The following ARB2A variants were observed in gnomAD, a reference collection of about 807,000 sequenced individuals.
ARB2A encodes the protein ARB2 cotranscriptional regulator A, also known as cotranscriptional regulator ARB2A.
the ARB2A span, among the ~76,000 whole-genome samples, chr5:93,921,823 G>A: frequency 1.3e-5 from 2 of 152,140 alleles, no homozygotes; most frequent in Admixed American, 6.5e-5. Flanking sequence ...ACTTTTTCCA[G>A]ATTGGTTCCA....
chr5:93,747,317 G>C, the ARB2A span, among the ~76,000 whole-genome samples: 4 of 152,102 alleles, frequency 2.6e-5, no homozygotes, highest in African/African-American at 9.7e-5. Flanking sequence ...ACCATCACAA[G>C]TTTGAGGCCT....
At chr5:93,630,410 C>G in the ARB2A span, among the ~76,000 whole-genome samples, 1 of 152,168 alleles carries the variant, frequency 6.6e-6, no homozygotes, top group Admixed American at 6.5e-5. Context: ...AACACAGTTG[C>G]AAGCCCTTTA....
chr5:93,654,034 C>G, the ARB2A span, among the ~76,000 whole-genome samples: 1 of 152,302 alleles, frequency 6.6e-6, no homozygotes, highest in African/African-American at 2.4e-5. Flanking sequence ...TTGAATTACT[C>G]TTGTATGCTG....
At chr5:93,988,097 T>A in the ARB2A span, among the ~76,000 whole-genome samples, 6 of 152,144 alleles carry the variant, frequency 3.9e-5, no homozygotes, top group African/African-American at 1.4e-4. Flanking sequence ...ATTGGAAATA[T>A]CTCCATATCT....
the ARB2A span, among the ~76,000 whole-genome samples, chr5:93,723,693 T>C: frequency 2.0e-5 from 3 of 152,198 alleles, no homozygotes; most frequent in Admixed American, 6.6e-5. Context: ...TTATCGATGC[T>C]AGTGAAGTAA....
the ARB2A span, among the ~76,000 whole-genome samples, chr5:93,622,980 A>G: frequency 1.3e-5 from 2 of 152,204 alleles, no homozygotes; most frequent in Non-Finnish European, 1.5e-5. Context: ...GGAGGCATTT[A>G]TATTTTCCAA....
the ARB2A span, among the ~76,000 whole-genome samples, chr5:93,868,898 A>C: frequency 6.6e-6 from 1 of 152,222 alleles, no homozygotes; most frequent in Non-Finnish European, 1.5e-5. Flanking sequence ...TCGCATTTCG[A>C]CTGCCTTACC....
At chr5:93,851,680 A>G in the ARB2A span, among the ~76,000 whole-genome samples, 1 of 151,812 alleles carries the variant, frequency 6.6e-6, no homozygotes, top group Non-Finnish European at 1.5e-5. Context: ...TTCAATTCCC[A>G]CCTATGAGTG....
At chr5:93,818,586 T>C in the ARB2A span, among the ~76,000 whole-genome samples, 2 of 152,220 alleles carry the variant, frequency 1.3e-5, no homozygotes, top group Non-Finnish European at 2.9e-5. Flanking sequence ...ACTTATTTCA[T>C]AGACTGCCAT....
chr5:93,925,641 T>C, the ARB2A span, among the ~76,000 whole-genome samples: 1,896 of 152,264 alleles, frequency 0.012, 43 homozygotes, highest in African/African-American at 0.043. Flanking sequence ...TTCAACCTGG[T>C]ATTTTTGGAC....
At chr5:93,853,968 T>A in the ARB2A span, among the ~76,000 whole-genome samples, 1 of 152,220 alleles carries the variant, frequency 6.6e-6, no homozygotes, top group Admixed American at 6.5e-5. Context: ...GATGCTGGCC[T>A]CATAAAATGA....
chr5:93,893,861 T>A, the ARB2A span, among the ~76,000 whole-genome samples: 103 of 152,330 alleles, frequency 6.8e-4, no homozygotes, highest in African/African-American at 2.3e-3. Flanking sequence ...TGGGCCATTT[T>A]CAGTCAACTG....
At chr5:93,725,806 A>C in the ARB2A span, among the ~76,000 whole-genome samples, 1 of 152,088 alleles carries the variant, frequency 6.6e-6, no homozygotes, top group Non-Finnish European at 1.5e-5. Flanking sequence ...AATAGGATTA[A>C]TATGAAGAAC....
the ARB2A span, among the ~76,000 whole-genome samples, chr5:93,986,508 G>A: frequency 1.8e-4 from 27 of 152,216 alleles, no homozygotes; most frequent in Non-Finnish European, 3.8e-4. Flanking sequence ...CTGCCACCCC[G>A]TTTGGGAGGT....
chr5:93,690,071 T>C, the ARB2A span, among the ~76,000 whole-genome samples: 2 of 152,144 alleles, frequency 1.3e-5, no homozygotes, highest in African/African-American at 4.8e-5. Context: ...GACCAGGAGA[T>C]TCCCTAGAGT....
chr5:94,106,750 A>C, the ARB2A span, among the ~76,000 whole-genome samples: 1 of 151,906 alleles, frequency 6.6e-6, no homozygotes, highest in Non-Finnish European at 1.5e-5. Flanking sequence ...CAGTGGACTG[A>C]ACAAAGAAAA....
At chr5:93,908,070 A>G in the ARB2A span, among the ~76,000 whole-genome samples, 3 of 151,192 alleles carry the variant, frequency 2.0e-5, no homozygotes, top group Non-Finnish European at 4.5e-5. Flanking sequence ...ATTTACATGA[A>G]CCAAAATTTA....
chr5:93,996,844 T>C, the ARB2A span, among the ~76,000 whole-genome samples: 1 of 152,090 alleles, frequency 6.6e-6, no homozygotes, highest in African/African-American at 2.4e-5. Flanking sequence ...TCTTCTACTG[T>C]AAGTCTTCTA....
the ARB2A span, among the ~76,000 whole-genome samples, chr5:94,046,858 CTAAT>C: frequency 6.6e-6 from 1 of 152,142 alleles, no homozygotes; most frequent in Non-Finnish European, 1.5e-5. Flanking sequence ...TTCCAAATAA[CTAAT>C]TAACTATAGT....
Sources: allele counts gnomAD v4.1 joint callset (sites outside exome capture counted in the v4.1 genomes callset), GRCh38; gene constraint gnomAD v4.1.1; transcripts MANE v1.5; gene names NCBI Gene and HGNC (gene_info 2026-07-23, HGNC 2026-07-21).